ALDH1A2: variants seen among roughly 807,000 people sequenced by gnomAD.
ALDH1A2 encodes the protein retinal dehydrogenase 2.
In ALDH1A2, 27 loss-of-function variants were observed where a neutral mutation model predicts 60.3. The ratio of observed to expected loss-of-function variants is 0.45; its 90% CI spans 0.33 to 0.62. ALDH1A2 has a LOEUF of 0.62. Among genes scored for constraint, ALDH1A2 ranks in the 20% least tolerant of loss-of-function variants. ALDH1A2 has a pLI of 0.02. For synonymous variants in ALDH1A2, 289 were observed against 232.4 expected, an observed-to-expected ratio of 1.24 and a Z score of -2.21; for missense variants, 581 against 643.8, an observed-to-expected ratio of 0.90 and a Z score of 1.06.
rs535717866 is a variant in ALDH1A2, at chr15:57,997,089, G to A, written c.494-1950C>T. Among the ~76,000 whole-genome samples the A allele has an allele frequency of 2.6e-5, 4 of 152,074 alleles. No homozygotes were observed. In the South Asian group the frequency reaches 8.3e-4, roughly 31 times the overall value. ...ATGGAAGAAATTCAGAAGTAGGCTG[G>A]ATTCTGCAACTGTATGAAATTAATT... On this transcript the variant is annotated intron_variant, in intron 4 of 12. Transcript: ENST00000249750.
intron 1 of ALDH1A2, among the ~76,000 whole-genome samples, chr15:58,046,823 T>C (rs551482045): frequency 1.3e-5 from 2 of 152,184 alleles, no homozygotes; most frequent in African/African-American, 4.8e-5. Context: ...GCTCAAAGGA[T>C]ATAGTAAATC....
chr15:58,028,362 T>C (rs1179020621), intron 1 of ALDH1A2, among the ~76,000 whole-genome samples: 1 of 152,138 alleles, frequency 6.6e-6, no homozygotes, highest in Non-Finnish European at 1.5e-5. Context: ...AGAGATTTTG[T>C]CACCACCAGT....
chr15:57,958,363 T>G (rs1798672961), intron 12 of ALDH1A2, among the ~76,000 whole-genome samples: 1 of 152,228 alleles, frequency 6.6e-6, no homozygotes, highest in African/African-American at 2.4e-5. Context: ...GGCTTGTGCT[T>G]TGCCACCCCT....
chr15:58,019,497 T>C (rs947101761), intron 1 of ALDH1A2, among the ~76,000 whole-genome samples: 2 of 152,234 alleles, frequency 1.3e-5, no homozygotes, highest in Non-Finnish European at 1.5e-5. Context: ...CCTAAGTTAC[T>C]GGACTGTTGC....
chr15:57,986,290 T>C (rs1334299021), intron 7 of ALDH1A2, among the ~76,000 whole-genome samples: 1 of 152,108 alleles, frequency 6.6e-6, no homozygotes, highest in Admixed American at 6.6e-5. Context: ...AAGCAGAATA[T>C]GATGGTCTGA....
intron 4 of ALDH1A2, among the ~76,000 whole-genome samples, chr15:58,009,813 C>T (rs968810533): frequency 2.8e-4 from 43 of 152,070 alleles, no homozygotes; most frequent in African/African-American, 1.0e-3. Flanking sequence ...AGACCTCTTT[C>T]CACTTTTGTA....
intron 2 of ALDH1A2, 81 bp downstream of exon 2, chr15:58,014,096 T>C: frequency 1.2e-6 from 2 of 1,613,960 alleles, no homozygotes; most frequent in Non-Finnish European, 1.7e-6. Flanking sequence ...CATGTAGTGG[T>C]GTACTGAGAG....
In ALDH1A2 at chr15:57,965,801, A is replaced by T; in HGVS notation, c.825T>A (p.Ala275=). 6.2e-7 allele frequency: 1 copy of T among 1,614,168 alleles called. No homozygotes were observed. The highest frequency in any genetic ancestry group is 8.5e-7 in the Non-Finnish European group (1 of 1,179,996). The change falls in exon 8 of 13, where the codon GCT becomes GCA. Residue 275 remains alanine (A), a synonymous_variant. Transcript: ENST00000249750. ...TTACTCTCTTCAAATTACTTCTTCC[A>T]GCTGCTTCTTGGATAAGCTTTCCAA... is the stretch of plus-strand genomic sequence containing the variant. ...TEVGKLIQEA[A]GRSNLKRVTL...
At position 57,964,039 on chromosome 15, in the gene ALDH1A2, C is replaced by G. The variant is rs1417206498; in HGVS notation, c.932G>C (p.Gly311Ala). ...GCACTGACCTTGATTGAAGAACACA[C>G]CCTGGTGGGCCTGCTCCACAGCATA... ...LDYAVEQAHQ[G>A]VFFNQGQCCT... Residue 311 changes from glycine (G) to alanine (A), a missense_variant, in exon 9 of 13, where the codon GGT (glycine) becomes GCT (alanine). By Grantham distance (60) the Gly-to-Ala change is moderately conservative. This residue lies in a region of ALDH1A2 where 375 missense variants were observed against 469.7 expected (regional missense o/e 0.80). Coordinates refer to ENST00000249750, the MANE Select transcript of ALDH1A2 (RefSeq NM_003888.4). 4 of 1,614,002 alleles carry G rather than the reference C, an allele frequency of 2.5e-6. No individual in the cohort carries two copies. Among genetic ancestry groups the G allele is most frequent in the Non-Finnish European group, 3.4e-6 (4 of 1,180,020 alleles).
intron 4 of ALDH1A2, among the ~76,000 whole-genome samples, chr15:58,004,411 G>A (rs1240008408): frequency 1.3e-5 from 2 of 151,658 alleles, no homozygotes; most frequent in African/African-American, 4.8e-5. Context: ...GGCTTCTAGT[G>A]CGCCCATCAC....
intron 1 of ALDH1A2, among the ~76,000 whole-genome samples, chr15:58,033,076 T>C (rs563513677): frequency 1.2e-3 from 184 of 152,060 alleles, no homozygotes; most frequent in Non-Finnish European, 2.2e-3. Flanking sequence ...TATAGTAAGA[T>C]AGAAGGAATA....
chr15:57,976,573 G>T (rs1260531484), intron 7 of ALDH1A2, among the ~76,000 whole-genome samples: 2 of 152,084 alleles, frequency 1.3e-5, no homozygotes, highest in African/African-American at 4.8e-5. Flanking sequence ...CTTCATCCAG[G>T]TCCCTGTAAA....
intron 3 of ALDH1A2, chr15:58,012,213 T>C (rs1164104728): frequency 6.6e-6 from 1 of 152,178 alleles, no homozygotes; most frequent in African/African-American, 2.4e-5. Flanking sequence ...AAAATATAAC[T>C]GGAGAAATTA....
chr15:58,037,906 G>A (rs1281184684), intron 1 of ALDH1A2, among the ~76,000 whole-genome samples: 1 of 151,480 alleles, frequency 6.6e-6, no homozygotes, highest in Non-Finnish European at 1.5e-5. Context: ...CACACTTTGT[G>A]TTTTTTTTAG....
chr15:58,026,611 T>G (rs576891359), intron 1 of ALDH1A2, among the ~76,000 whole-genome samples: 1 of 152,294 alleles, frequency 6.6e-6, no homozygotes, highest in African/African-American at 2.4e-5. Flanking sequence ...TTCCCTTTCC[T>G]AGCCAAGGGA....
At chr15:58,033,336 A>C (rs1339003340) in intron 1 of ALDH1A2, among the ~76,000 whole-genome samples, 2 of 151,628 alleles carry the variant, frequency 1.3e-5, no homozygotes, top group African/African-American at 4.8e-5. Context: ...TTTACCTTCT[A>C]TTTTCTCCTT....
At chr15:57,994,540 CAAACACT>C (rs1566941919) in intron 5 of ALDH1A2, among the ~76,000 whole-genome samples, 1 of 152,104 alleles carries the variant, frequency 6.6e-6, no homozygotes, top group African/African-American at 2.4e-5. Flanking sequence ...TGTTCCAATC[CAAACACT>C]AAGCACTACA....
intron 4 of ALDH1A2, among the ~76,000 whole-genome samples, chr15:58,009,453 TAAG>T (rs1475466335): frequency 6.6e-6 from 1 of 151,930 alleles, no homozygotes; most frequent in Non-Finnish European, 1.5e-5. Flanking sequence ...TCAGCCTGGC[TAAG>T]AAGGCCCAAA....
intron 1 of ALDH1A2, among the ~76,000 whole-genome samples, chr15:58,019,744 G>C (rs745748546): frequency 5.9e-5 from 9 of 152,150 alleles, no homozygotes; most frequent in Non-Finnish European, 1.2e-4. Flanking sequence ...AAGACAGAAT[G>C]ATAGGCACTT....
Sources: gnomAD v4.1 joint callset for allele counts (sites outside exome capture counted in the v4.1 genomes callset) on GRCh38, gnomAD v4.1.1 for gene constraint, gnomAD v4.1.1 regional missense constraint, MANE v1.5 for transcripts, NCBI Gene and HGNC (gene_info 2026-07-23, HGNC 2026-07-21) for gene names.